The following NCAPD2 variants were observed in gnomAD, a reference collection of about 807,000 sequenced individuals.
The protein encoded by NCAPD2 is non-SMC condensin I complex subunit D2.
Under a neutral mutation model 164.5 loss-of-function variants are expected in NCAPD2, and 100 were observed. The observed-to-expected ratio is 0.61, with a 90% CI of 0.52 to 0.72. The LOEUF is 0.72. NCAPD2 is among the 30% of genes least tolerant of loss of function. The pLI, the probability that NCAPD2 is intolerant of heterozygous loss-of-function variation, is 0.00. For synonymous variants in NCAPD2, 585 were observed against 642.6 expected, an observed-to-expected ratio of 0.91 and a Z score of 1.36; for missense variants, 1,560 against 1,749.2, an observed-to-expected ratio of 0.89 and a Z score of 1.93.
Position 6,530,736 on chromosome 12 carries a change from A to C in NCAPD2, c.3883A>C (p.Arg1295=). The C allele has an allele frequency of 6.2e-7, 1 of 1,614,178 alleles. No homozygotes were observed. The highest frequency in any genetic ancestry group is 1.3e-5 in the African/African-American group (1 of 75,038). ...FEQKLRACHT[R]GLDGIKELEI... ...GCAGAAGCTTCGGGCCTGTCATACC[A>C]GAGGTTTGGATGGAATCAAGGAGCT... Residue 1295 remains arginine, a synonymous_variant, in exon 30 of 32, where the codon AGA becomes CGA. Transcript: ENST00000315579.
chr12:6,530,670 A>G (rs752878683), intron 29 of NCAPD2, 21 bp from the exon 30 acceptor site: 32 of 1,613,550 alleles, frequency 2.0e-5, no homozygotes, highest in Non-Finnish European at 2.7e-5. Flanking sequence ...GCCTGCTCTG[A>G]ATCTCCTTTT....
intron 3 of NCAPD2, 119 bp from the exon 4 acceptor site, chr12:6,509,956 C>A: frequency 1.5e-6 from 2 of 1,297,646 alleles, no homozygotes; most frequent in Non-Finnish European, 2.2e-6. Flanking sequence ...CGTATTTATT[C>A]AGTTGAACAA....
At chr12:6,511,373 C>T in intron 6 of NCAPD2, 121 bp downstream of exon 6, 1 of 1,234,770 alleles carries the variant, frequency 8.1e-7, no homozygotes, top group South Asian at 1.5e-5. Context: ...ACTCTTGTCG[C>T]CCAGGCTGGA....
intron 14 of NCAPD2, 131 bp downstream of exon 14, chr12:6,521,241 C>T (rs986965524): frequency 1.7e-6 from 2 of 1,157,942 alleles, no homozygotes; most frequent in South Asian, 1.6e-5. Context: ...ATTGGCATTA[C>T]TTTTGCTCTG....
chr12:6,510,865 G>T, intron 5 of NCAPD2, 55 bp downstream of exon 5: 1 of 1,560,146 alleles, frequency 6.4e-7, no homozygotes, highest in South Asian at 1.2e-5. Flanking sequence ...TAGGGGAATA[G>T]ATGGAAAAGA....
chr12:6,509,813 G>C, intron 3 of NCAPD2, 21 bp downstream of exon 3: 1 of 1,610,084 alleles, frequency 6.2e-7, no homozygotes, highest in South Asian at 1.1e-5. Context: ...CACCCAACTG[G>C]TACTTTAAAA....
chr12:6,525,745 G>GT, intron 18 of NCAPD2, 29 bp downstream of exon 18: 2 of 1,608,618 alleles, frequency 1.2e-6, no homozygotes, highest in Non-Finnish European at 1.7e-6. Flanking sequence ...AGGCAATGGG[G>GT]TGGGAGAGCA....
At chr12:6,507,312 G>C (rs1435243909) in intron 2 of NCAPD2, among the ~76,000 whole-genome samples, 1 of 152,252 alleles carries the variant, frequency 6.6e-6, no homozygotes, top group Admixed American at 6.5e-5. Context: ...ATGAAGGGAG[G>C]CTGGGTGCAG....
Position 6,526,337 on chromosome 12 carries a change from GTTGT to G in NCAPD2, c.2536_2539del (p.Phe846SerfsTer26). 14 of 1,614,050 alleles carry G rather than the reference GTTGT, an allele frequency of 8.7e-6. No individual in the cohort carries two copies. The highest frequency in any genetic ancestry group is 1.2e-5 in the Non-Finnish European group (14 of 1,180,038). ...CCTTCCGGCTGCCTCAGGAACACAG[GTTGT>G]TTGAGCGACTGCGGGAGACAGTCAC... On this transcript the variant is annotated frameshift_variant, in exon 20 of 32. Transcript: ENST00000315579. LOFTEE classifies it high-confidence loss of function.
chr12:6,513,906 A>G lies in NCAPD2; in HGVS notation c.588-359A>G, dbSNP rs569324838. Among the ~76,000 whole-genome samples, 11 of 151,574 alleles carry G rather than the reference A, an allele frequency of 7.3e-5. No homozygotes were observed. In the South Asian group the frequency reaches 1.9e-3, roughly 26 times the overall value. On this transcript the variant is annotated intron_variant, in intron 6 of 31. Transcript: ENST00000315579. ...AATTTTTTGTATTTTTAGTAGAGAC[A>G]GGGTTTCACTATGTTGGCCAAGCTG...
In NCAPD2 at chr12:6,528,003, C is replaced by A; in HGVS notation, c.3055C>A (p.Leu1019Ile). 2 of 1,614,244 alleles carry A rather than the reference C, an allele frequency of 1.2e-6. No individual in the cohort carries two copies. The highest frequency in any genetic ancestry group is 1.7e-6 in the Non-Finnish European group (2 of 1,180,046). ...ACTGGCTGCCTTTGTTCCACTCTTGCTTAAAGTCTGTAACAACCCAGGCCT... is the reference window on the plus strand; with the variant it reads ...ACTGGCTGCCTTTGTTCCACTCTTGATTAAAGTCTGTAACAACCCAGGCCT... Reference protein sequence around the residue: ...QTLAAFVPLLLKVCNNPGLYS... With the variant: ...QTLAAFVPLLIKVCNNPGLYS... Residue 1019 changes from leucine to isoleucine, a missense_variant, in exon 24 of 32, where the codon CTT becomes ATT. Transcript: ENST00000315579. This position sits in a 1 kb window ranked among gnomAD's most constrained non-coding sequence, Gnocchi z 5.1.
In NCAPD2 at chr12:6,530,998, C is replaced by T. The variant is rs758188413; in HGVS notation, c.4042C>T (p.Arg1348Trp). Reference sequence around the variant, plus strand: ...ACCAGAGCCCCGCCGTACTACCCGTCGGCATCCAAACACCCAGCAGCGAGC... The same window carrying T: ...ACCAGAGCCCCGCCGTACTACCCGTTGGCATCCAAACACCCAGCAGCGAGC... The part of the protein sequence containing the change: ...VTPEPRRTTR[R>W]HPNTQQRASK... Residue 1348 changes from arginine (R) to tryptophan (W), a missense_variant, in exon 31 of 32, where the codon CGG becomes TGG. By Grantham distance (101) the Arg-to-Trp change is moderately radical. Coordinates refer to ENST00000315579, the MANE Select transcript of NCAPD2 (RefSeq NM_014865.4). 11 of 1,614,088 alleles carry T rather than the reference C, an allele frequency of 6.8e-6. No homozygotes were observed. Among genetic ancestry groups the T allele is most frequent in the Admixed American group, 1.7e-5 (1 of 60,012 alleles).
At chr12:6,523,064 T>G (rs1592175433) in intron 16 of NCAPD2, 62 bp downstream of exon 16, 3 of 1,584,050 alleles carry the variant, frequency 1.9e-6, no homozygotes, top group Non-Finnish European at 1.7e-6. Context: ...AGGACTTCCC[T>G]TGTCTCCTAA....
At position 6,517,789 on chromosome 12, in the gene NCAPD2, G is replaced by A. The variant is rs774018238; in HGVS notation, c.1419G>A (p.Leu473=). 1 of 1,614,154 alleles carries A rather than the reference G, an allele frequency of 6.2e-7. No homozygotes were observed. Among genetic ancestry groups the A allele is most frequent in the Non-Finnish European group, 8.5e-7 (1 of 1,180,012 alleles). ...GACACTCTCATTTAGCTGCAGTGCT[G>A]GACCCAGAGGAGGAGTGGGAAGCCA... ...QRRTAAASAV[L]DPEEEWEAML... is the part of the protein sequence containing the mutation. Residue 473 remains leucine, a synonymous_variant, in exon 13 of 32, where the codon CTG becomes CTA. Transcript: ENST00000315579.
At chr12:6,523,217 G>C (rs1425685258) in intron 16 of NCAPD2, 45 bp from the exon 17 acceptor site, 2 of 1,589,032 alleles carry the variant, frequency 1.3e-6, no homozygotes, top group African/African-American at 2.7e-5. Context: ...GCCAAGTTCA[G>C]CTTCCCAATC....
At chr12:6,497,620 T>TTTGTTG (rs58209153) in intron 2 of NCAPD2, among the ~76,000 whole-genome samples, 5 of 141,726 alleles carry the variant, frequency 3.5e-5, no homozygotes, top group African/African-American at 1.3e-4. Flanking sequence ...CTGTCACTTT[T>TTTGTTG]TTGTTGTTGT....
chr12:6,528,184 G>A lies in NCAPD2; in HGVS notation c.3155G>A (p.Cys1052Tyr). ...GKFCMISATF[C>Y]DSQLRLLFTM... Reference sequence around the variant, plus strand: ...CTTCTTGCTCTTAGTGCCACTTTCTGCGACTCCCAGCTTCGTCTTCTGTTC... The same window carrying A: ...CTTCTTGCTCTTAGTGCCACTTTCTACGACTCCCAGCTTCGTCTTCTGTTC... The change falls in exon 25 of 32, where the codon TGC (cysteine) becomes TAC (tyrosine). Residue 1052 changes from cysteine to tyrosine, a missense_variant. By Grantham distance (194) the Cys-to-Tyr change is radical. Coordinates refer to ENST00000315579, the MANE Select transcript of NCAPD2 (RefSeq NM_014865.4). The surrounding 1 kb of genome is among the most constrained non-coding windows in gnomAD (Gnocchi z 5.1). The A allele has an allele frequency of 6.2e-7, 1 of 1,614,192 alleles. No individual in the cohort carries two copies. Among genetic ancestry groups the A allele is most frequent in the Non-Finnish European group, 8.5e-7 (1 of 1,180,042 alleles).
At chr12:6,507,869 G>A (rs569339222) in intron 2 of NCAPD2, among the ~76,000 whole-genome samples, 1 of 152,264 alleles carries the variant, frequency 6.6e-6, no homozygotes, top group Admixed American at 6.6e-5. Context: ...AAAAAAGGTT[G>A]TGGGGGAGTG....
chr12:6,521,919 T>C lies in NCAPD2; in HGVS notation c.1836T>C (p.Asp612=). 2 of 1,614,062 alleles carry C rather than the reference T, an allele frequency of 1.2e-6. No homozygotes were observed. The highest frequency in any genetic ancestry group is 2.7e-5 in the African/African-American group (2 of 74,988). ...ATCCTGAGGAATCCAGGGGAAATGA[T>C]GAACTAGTGAAGCAGGAGATGCTGG... ...MSDPEESRGN[D]ELVKQEMLVQ... Residue 612 remains aspartate, a synonymous_variant, in exon 15 of 32, where the codon GAT becomes GAC. Coordinates refer to ENST00000315579, the MANE Select transcript of NCAPD2 (RefSeq NM_014865.4).
Sources: allele counts gnomAD v4.1 joint callset (sites outside exome capture counted in the v4.1 genomes callset), GRCh38; gene constraint gnomAD v4.1.1; non-coding constraint Gnocchi (gnomAD v3.1); transcripts MANE v1.5; gene names NCBI Gene and HGNC (gene_info 2026-07-23, HGNC 2026-07-21).